Variants in IL1RAPL2 observed in about 807,000 individuals in gnomAD.
The protein encoded by IL1RAPL2 is X-linked interleukin-1 receptor accessory protein-like 2.
IL1RAPL2 carries 3 observed loss-of-function variants against 44.1 expected under a neutral mutation model. That is an observed-to-expected ratio of 0.07 (90% CI 0.03 to 0.18). The LOEUF (loss-of-function observed/expected upper bound fraction) is 0.18, where lower values mean the gene tolerates loss of function less well. IL1RAPL2 is among the 10% of genes least tolerant of loss of function. The pLI is 1.00. For missense variants in IL1RAPL2, 391 were observed against 496.4 expected, an observed-to-expected ratio of 0.79 and a Z score of 2.02; for synonymous variants, 181 against 178.8, an observed-to-expected ratio of 1.01 and a Z score of -0.10.
intron 1 of IL1RAPL2, among the ~76,000 whole-genome samples, chrX:104,603,882 T>G (rs747335525): frequency 9.8e-5 from 11 of 111,964 alleles, no homozygotes; most frequent in Non-Finnish European, 2.1e-4. Context: ...AAAATACTCT[T>G]CAGGATACTA....
chrX:105,073,731 A>G (rs1267601485), intron 2 of IL1RAPL2, among the ~76,000 whole-genome samples: 22 of 111,749 alleles, frequency 2.0e-4, no homozygotes, highest in African/African-American at 5.2e-4. Flanking sequence ...TTTAATGATC[A>G]CCATTCCAAC....
chrX:104,959,215 G>T (rs776632263), intron 2 of IL1RAPL2, among the ~76,000 whole-genome samples: 3 of 111,527 alleles, frequency 2.7e-5, no homozygotes, highest in Non-Finnish European at 5.6e-5. Context: ...AAGAAGGGTA[G>T]TACATCAGAC....
At chrX:104,589,052 C>G (rs762915378) in intron 1 of IL1RAPL2, among the ~76,000 whole-genome samples, 1 of 111,581 alleles carries the variant, frequency 9.0e-6, no homozygotes, top group Middle Eastern at 4.2e-3. Context: ...TTATCTATGA[C>G]GGAGGTTGCA....
chrX:105,622,092 G>A (rs1213429533), intron 6 of IL1RAPL2, among the ~76,000 whole-genome samples: 1 of 109,865 alleles, frequency 9.1e-6, no homozygotes, highest in Non-Finnish European at 1.9e-5. Flanking sequence ...CAGATTGGAA[G>A]ATGCCATTTG....
At chrX:104,956,144 G>A (rs1925704861) in intron 2 of IL1RAPL2, among the ~76,000 whole-genome samples, 1 of 112,174 alleles carries the variant, frequency 8.9e-6, no homozygotes, top group Non-Finnish European at 1.9e-5. Context: ...GCTAAAGGGT[G>A]TAGAGGAGAG....
intron 5 of IL1RAPL2, among the ~76,000 whole-genome samples, chrX:105,390,237 A>G (rs1157491868): frequency 1.3e-4 from 14 of 110,968 alleles, no homozygotes; most frequent in African/African-American, 3.3e-4. Flanking sequence ...TTCCATTACT[A>G]TGGACTTTGT....
At chrX:104,688,739 T>TGA (rs1931035481) in intron 2 of IL1RAPL2, among the ~76,000 whole-genome samples, 2 of 111,964 alleles carry the variant, frequency 1.8e-5, no homozygotes, top group Non-Finnish European at 3.8e-5. Flanking sequence ...TGGTAACAGT[T>TGA]GAGGATTAAT....
chrX:105,566,479 T>C (rs376749774), intron 6 of IL1RAPL2, among the ~76,000 whole-genome samples: 4 of 111,657 alleles, frequency 3.6e-5, no homozygotes, highest in South Asian at 7.5e-4. Context: ...TTCACCTTCT[T>C]TTTCTTCATC....
At chrX:104,601,962 A>G (rs1283345946) in intron 1 of IL1RAPL2, among the ~76,000 whole-genome samples, 1 of 112,217 alleles carries the variant, frequency 8.9e-6, no homozygotes, top group East Asian at 2.8e-4. Flanking sequence ...AGCACTATTT[A>G]TAATAGCAAA....
chrX:105,760,679 AT>A (rs1329104400), intron 10 of IL1RAPL2, among the ~76,000 whole-genome samples: 1 of 112,077 alleles, frequency 8.9e-6, no homozygotes, highest in East Asian at 2.8e-4. Context: ...AATACACACA[AT>A]TCCCTGTAGT....
At chrX:105,417,881 C>G (rs980484327) in intron 5 of IL1RAPL2, among the ~76,000 whole-genome samples, 2 of 111,877 alleles carry the variant, frequency 1.8e-5, no homozygotes, top group African/African-American at 6.5e-5. Context: ...GCTTACACCT[C>G]TCTTTCATAA....
chrX:104,784,489 G>C (rs772034488), intron 2 of IL1RAPL2, among the ~76,000 whole-genome samples: 3 of 111,622 alleles, frequency 2.7e-5, no homozygotes, highest in Non-Finnish European at 3.8e-5. Context: ...TCATTTGTAT[G>C]ATGGGAATAA....
intron 6 of IL1RAPL2, among the ~76,000 whole-genome samples, chrX:105,581,252 T>C (rs770865244): frequency 8.9e-6 from 1 of 112,064 alleles, no homozygotes; most frequent in South Asian, 3.7e-4. Context: ...GATAGTTATG[T>C]ATATGCTAAT....
Position 104,658,943 on chromosome X carries a change from G to A in IL1RAPL2, c.30G>A (p.Val10=), listed in dbSNP as rs1930332852. 8.3e-7 allele frequency: 1 copy of A among 1,205,584 alleles called. No homozygotes were observed. Among genetic ancestry groups the A allele is most frequent in the African/African-American group, 1.8e-5 (1 of 56,959 alleles). ...AGCCACCATTTCTTTTGGCCCTTGTGGTCTGTTCTGTAGTCAGCACAAATC... is the reference window on the plus strand; with the variant it reads ...AGCCACCATTTCTTTTGGCCCTTGTAGTCTGTTCTGTAGTCAGCACAAATC... The part of the protein sequence containing the change: MKPPFLLAL[V]VCSVVSTNLK... The change falls in exon 2 of 11, where the codon GTG becomes GTA. Residue 10 remains valine, a synonymous_variant. Transcript: ENST00000372582.
At chrX:105,686,548 T>C (rs1245055220) in intron 6 of IL1RAPL2, among the ~76,000 whole-genome samples, 1 of 110,548 alleles carries the variant, frequency 9.0e-6, no homozygotes, top group Non-Finnish European at 1.9e-5. Flanking sequence ...ATGCACCCAA[T>C]ACAGGAGCAC....
intron 5 of IL1RAPL2, among the ~76,000 whole-genome samples, chrX:105,463,101 G>A (rs1170976400): frequency 1.8e-5 from 2 of 111,231 alleles, no homozygotes; most frequent in African/African-American, 3.3e-5. Flanking sequence ...TGATATTTTC[G>A]GGATCACAGA....
In IL1RAPL2 at chrX:104,957,042, C is replaced by A. The variant is rs760907162; in HGVS notation, c.83-238433C>A. 1.6e-4 allele frequency among the ~76,000 whole-genome samples: 18 copies of A among 111,967 alleles called. No homozygotes were observed. The South Asian group carries it at 6.7e-3, about 42-fold the overall frequency. On this transcript the variant is annotated intron_variant, in intron 2 of 10. Transcript: ENST00000372582. ...GAAGGTGCTAAAAACATCCCTGAAG[C>A]CCTAAAGGGTTATAATTTCCCCTTC...
At chrX:105,119,901 C>T (rs1238087827) in intron 2 of IL1RAPL2, among the ~76,000 whole-genome samples, 1 of 110,255 alleles carries the variant, frequency 9.1e-6, no homozygotes, top group Admixed American at 9.7e-5. Context: ...ATTAAAACAG[C>T]TACATTTATG....
chrX:105,474,882 T>TA (rs201327094), intron 5 of IL1RAPL2, among the ~76,000 whole-genome samples: 8 of 109,084 alleles, frequency 7.3e-5, no homozygotes, highest in Admixed American at 2.0e-4. Context: ...AAAACAGTCT[T>TA]AAAAAAAAAC....
Sources: allele counts gnomAD v4.1 joint callset (sites outside exome capture counted in the v4.1 genomes callset), GRCh38; gene constraint gnomAD v4.1.1; transcripts MANE v1.5; gene names NCBI Gene and HGNC (gene_info 2026-07-23, HGNC 2026-07-21).